Variants in MMS22L observed in about 807,000 individuals in gnomAD.
MMS22L encodes protein MMS22-like.
A neutral mutation model predicts 159.1 loss-of-function variants in MMS22L; 74 were observed. The observed-to-expected ratio is 0.47, with a 90% confidence interval of 0.39 to 0.56. The LOEUF is 0.56. Among genes scored for constraint, MMS22L ranks in the 20% least tolerant of loss-of-function variants. MMS22L has a pLI of 0.00. For synonymous variants in MMS22L, 517 were observed against 506.9 expected (o/e 1.02, Z -0.27); for missense variants, 1,351 against 1,422.1 (o/e 0.95, Z 0.80).
intron 2 of MMS22L, 122 bp from the exon 3 acceptor site, chr6:97,281,484 C>T (rs983351208): frequency 1.3e-6 from 1 of 756,372 alleles, no homozygotes; most frequent in African/African-American, 1.8e-5. Flanking sequence ...CAGAAAATGC[C>T]TTGGTACTTT....
chr6:97,199,125 T>A (rs1220643735), intron 14 of MMS22L, among the ~76,000 whole-genome samples: 1 of 152,070 alleles, frequency 6.6e-6, no homozygotes, highest in Non-Finnish European at 1.5e-5. Flanking sequence ...TCTACCACAT[T>A]TTACATGTGG....
intron 14 of MMS22L, among the ~76,000 whole-genome samples, chr6:97,196,324 AT>A (rs1806499468): frequency 1.3e-5 from 2 of 152,174 alleles, no homozygotes. Context: ...TAAAAAAATA[AT>A]AGAGTTGCAG....
intron 9 of MMS22L, chr6:97,258,554 G>A (rs1029313597): frequency 6.6e-6 from 1 of 152,108 alleles, no homozygotes; most frequent in African/African-American, 2.4e-5. Context: ...TTAAAAAGAA[G>A]TATTGCATAC....
intron 14 of MMS22L, among the ~76,000 whole-genome samples, chr6:97,193,734 C>A (rs1274879910): frequency 6.6e-6 from 1 of 152,106 alleles, no homozygotes. Flanking sequence ...GTTGGTCTGA[C>A]AGTCTACATT....
chr6:97,191,899 C>G (rs1805904077), intron 14 of MMS22L, among the ~76,000 whole-genome samples: 1 of 152,002 alleles, frequency 6.6e-6, no homozygotes, highest in Admixed American at 6.6e-5. Flanking sequence ...GGAAGTTATC[C>G]AAAAAATCAT....
chr6:97,186,408 T>C (rs553169760), intron 15 of MMS22L, 89 bp downstream of exon 15: 477 of 1,078,396 alleles, frequency 4.4e-4, no homozygotes, highest in Non-Finnish European at 5.8e-4. Flanking sequence ...ATGTTTGCTA[T>C]ACAAGAGTTT....
At chr6:97,208,919 TC>T (rs1808075967) in intron 14 of MMS22L, among the ~76,000 whole-genome samples, 1 of 151,998 alleles carries the variant, frequency 6.6e-6, no homozygotes, top group Non-Finnish European at 1.5e-5. Flanking sequence ...CGTCCCAACT[TC>T]CAGTTCTTAA....
In MMS22L at chr6:97,269,889, T is replaced by A. The variant is rs768781184; in HGVS notation, c.697+13A>T. 6.3e-7 allele frequency: 1 copy of A among 1,584,040 alleles called. No individual in the cohort carries two copies. The highest frequency in any genetic ancestry group is 1.7e-5 in the Admixed American group (1 of 59,616). On this transcript the variant is annotated intron_variant, in intron 7 of 24. Transcript: ENST00000683635. ...TTTTAAAAAGAATATAAATCATAAA[T>A]CCATAAACTTACTCAATTTTTCACC... is the stretch of plus-strand genomic sequence containing the variant.
intron 14 of MMS22L, among the ~76,000 whole-genome samples, chr6:97,197,248 A>G (rs1033943716): frequency 6.6e-6 from 1 of 152,178 alleles, no homozygotes; most frequent in South Asian, 2.1e-4. Context: ...CAGAATGATC[A>G]TCATCTGATT....
chr6:97,273,171 A>G (rs1815925269), intron 4 of MMS22L, 109 bp from the exon 5 acceptor site: 1 of 840,860 alleles, frequency 1.2e-6, no homozygotes, highest in African/African-American at 1.7e-5. Context: ...GTAACATTTT[A>G]TATTAAACAT....
chr6:97,186,515 G>A lies in MMS22L; in HGVS notation c.2215C>T (p.Leu739Phe). ...TGCTGACCTGCAGCTGCATCCGCAA[G>A]TTGTGAGAAAGGCACTACCTGTGAC... The part of the protein sequence containing the change: ...RMSQVVPFSQ[L>F]ADAAADFTLL... The change falls in exon 15 of 25, where the codon CTT becomes TTT. Residue 739 changes from leucine to phenylalanine, a missense_variant. Physicochemically the swap from Leu to Phe is conservative, Grantham distance 22. Coordinates refer to ENST00000683635, the MANE Select transcript of MMS22L (RefSeq NM_001350599.2). 1 of 1,612,620 alleles carries A rather than the reference G, an allele frequency of 6.2e-7. No individual in the cohort carries two copies. Among genetic ancestry groups the A allele is most frequent in the Non-Finnish European group, 8.5e-7 (1 of 1,179,412 alleles).
intron 14 of MMS22L, among the ~76,000 whole-genome samples, chr6:97,204,647 G>T (rs570764056): frequency 2.0e-5 from 3 of 151,934 alleles, no homozygotes; most frequent in Non-Finnish European, 2.9e-5. Context: ...GCGGGGGTAG[G>T]GGGTGGGCAT....
At chr6:97,201,166 A>T (rs756514447) in intron 14 of MMS22L, among the ~76,000 whole-genome samples, 2 of 152,184 alleles carry the variant, frequency 1.3e-5, no homozygotes, top group African/African-American at 4.8e-5. Flanking sequence ...TGTGTAAAAG[A>T]TTGTGAAAGG....
intron 21 of MMS22L, among the ~76,000 whole-genome samples, chr6:97,164,007 G>A (rs1205470692): frequency 6.6e-6 from 1 of 151,980 alleles, no homozygotes; most frequent in East Asian, 1.9e-4. Context: ...TTAATGGCAG[G>A]GAAGTTTCAT....
chr6:97,241,600 T>C lies in MMS22L; in HGVS notation c.1182+5028A>G, dbSNP rs1812084280. The stretch of plus-strand genomic sequence containing the variant: ...GTTTCTTGGCCATTTACATATCTTC[T>C]TTTGAGTACTGCCTATTCATGTCCT... On this transcript the variant is annotated intron_variant, in intron 11 of 24. Transcript: ENST00000683635. 2.0e-5 allele frequency among the ~76,000 whole-genome samples: 3 copies of C among 152,244 alleles called. No homozygotes were observed. The South Asian group carries it at 6.2e-4, about 31-fold the overall frequency.
At chr6:97,197,917 T>C (rs116890572) in intron 14 of MMS22L, among the ~76,000 whole-genome samples, 4 of 152,072 alleles carry the variant, frequency 2.6e-5, no homozygotes, top group African/African-American at 9.7e-5. Flanking sequence ...TCCCCCACCC[T>C]GCATCTCTAT....
At position 97,264,625 on chromosome 6, in the gene MMS22L, A is replaced by G. The variant is rs540987198; in HGVS notation, c.829-1177T>C. On this transcript the variant is annotated intron_variant, in intron 8 of 24. Transcript: ENST00000683635. ...AAAATTGTTGCTGTTTGTAGATAAC[A>G]TGATCTTTTATATATAGAAACCTCT... is the stretch of plus-strand genomic sequence containing the variant. The G allele has an allele frequency of 2.0e-5, 3 of 152,286 alleles. No individual in the cohort carries two copies. In the South Asian group the frequency reaches 6.2e-4, roughly 32 times the overall value. 9.4% of individuals were successfully genotyped at this position (152,286 alleles called of 1,614,324 possible).
intron 12 of MMS22L, 67 bp from the exon 13 acceptor site, chr6:97,231,719 C>A: frequency 1.8e-6 from 2 of 1,141,436 alleles, no homozygotes; most frequent in Non-Finnish European, 2.5e-6. Flanking sequence ...TGGTAAGCTG[C>A]AAATCCCAGT....
Position 97,185,728 on chromosome 6 carries a change from A to G in MMS22L, c.2233+769T>C, listed in dbSNP as rs186999730. On this transcript the variant is annotated intron_variant, in intron 15 of 24. Transcript: ENST00000683635. Reference sequence around the variant, plus strand: ...TTTAAGCTCAGTTTTCCTCGTATACACTAGGATAAATATTGGTTTAAATCT... The same window carrying G: ...TTTAAGCTCAGTTTTCCTCGTATACGCTAGGATAAATATTGGTTTAAATCT... Among the ~76,000 whole-genome samples the G allele has an allele frequency of 7.6e-4, 116 of 152,254 alleles. 1 individual carries two copies. The highest frequency in any genetic ancestry group is 2.4e-3 in the African/African-American group (101 of 41,576).
Sources: gnomAD v4.1 joint callset for allele counts (sites outside exome capture counted in the v4.1 genomes callset) on GRCh38, gnomAD v4.1.1 for gene constraint, MANE v1.5 for transcripts, NCBI Gene and HGNC (gene_info 2026-07-23, HGNC 2026-07-21) for gene names.